Variants in SEMA6C observed in about 807,000 individuals in gnomAD.
The protein encoded by SEMA6C is semaphorin-6C.
In SEMA6C, 37 loss-of-function variants were observed where a neutral mutation model predicts 72.9. That is an observed-to-expected ratio of 0.51 (90% CI 0.39 to 0.67). SEMA6C has a LOEUF of 0.67. Ranked by LOEUF, SEMA6C falls within the 30% of genes least tolerant of loss-of-function variation. The pLI, the probability that SEMA6C is intolerant of heterozygous loss-of-function variation, is 0.00. For synonymous variants in SEMA6C, 578 were observed against 554.1 expected (o/e 1.04, Z -0.61); for missense variants, 1,189 against 1,263.6 (o/e 0.94, Z 0.89).
At chr1:151,141,097 A>G (rs587649305) in intron 3 of SEMA6C, among the ~76,000 whole-genome samples, 4 of 152,268 alleles carry the variant, frequency 2.6e-5, no homozygotes, top group East Asian at 1.9e-4. Context: ...CAGTAACCCA[A>G]CTGCAGCTCC....
At chr1:151,143,702 A>G (rs1393545428) in intron 2 of SEMA6C, among the ~76,000 whole-genome samples, 1 of 152,190 alleles carries the variant, frequency 6.6e-6, no homozygotes, top group Non-Finnish European at 1.5e-5. Context: ...AGCCTCCCTC[A>G]GCCAAATGAC....
chr1:151,133,328 G>T lies in SEMA6C; in HGVS notation c.1949C>A (p.Ser650Tyr), dbSNP rs746711973. The T allele has an allele frequency of 1.3e-6, 2 of 1,594,836 alleles. No homozygotes were observed. The highest frequency in any genetic ancestry group is 4.5e-5 in the East Asian group (2 of 44,188). Reference protein sequence around the residue: ...IETPGLPRPLSLRSLARLHGG... With the variant: ...IETPGLPRPLYLRSLARLHGG... ...GTGGAGCCGGGCCAAACTGCGGAGG[G>T]AGAGAGGGCGCGGGAGCCCCGGAGT... The change falls in exon 19 of 19, where the codon TCC becomes TAC. Residue 650 changes from serine to tyrosine, a missense_variant. By Grantham distance (144) the Ser-to-Tyr change is moderately radical. This residue lies in a region of SEMA6C where 721 missense variants were observed against 686.2 expected (regional missense o/e 1.05). Transcript: ENST00000368914. This position sits in a 1 kb window ranked among gnomAD's most constrained non-coding sequence, Gnocchi z 5.9.
At chr1:151,140,527 C>G (rs1682441196) in intron 3 of SEMA6C, among the ~76,000 whole-genome samples, 1 of 152,178 alleles carries the variant, frequency 6.6e-6, no homozygotes, top group African/African-American at 2.4e-5. Context: ...CTCCGTTTCT[C>G]CCAGCCCTCT....
In SEMA6C at chr1:151,134,380, G is replaced by A. The variant is rs751614648; in HGVS notation, c.1759+21C>T. On this transcript the variant is annotated intron_variant, in intron 18 of 18. Transcript: ENST00000368914. ...ATGTGGGCTGAGCAAGGGAAGGTGA[G>A]GTTGGGACAAGAGGACTCACCATAA... 3.2e-6 allele frequency: 5 copies of A among 1,572,762 alleles called. No homozygotes were observed. In the African/African-American group the frequency reaches 4.1e-5, roughly 13 times the overall value.
rs1446860597 is a variant in SEMA6C at position 151,134,846 on chromosome 1, C to T, written c.1610G>A (p.Cys537Tyr). The change falls in exon 16 of 19, where the codon TGT becomes TAT. Residue 537 changes from cysteine (C) to tyrosine (Y), a missense_variant. Coordinates refer to ENST00000368914, the MANE Select transcript of SEMA6C (RefSeq NM_030913.6). ...RSCLASQDPY[C>Y]GWHSSRGCVD... is the part of the protein sequence containing the mutation. Reference sequence around the variant, plus strand: ...ACAGCCCCTGGAGCTATGCCATCCACAGTATGGGTCCTGAGAAGCCAAACA... The same window carrying T: ...ACAGCCCCTGGAGCTATGCCATCCATAGTATGGGTCCTGAGAAGCCAAACA... The T allele has an allele frequency of 1.9e-6, 3 of 1,614,184 alleles. No homozygotes were observed. Among genetic ancestry groups the T allele is most frequent in the Non-Finnish European group, 2.5e-6 (3 of 1,180,014 alleles).
At chr1:151,141,483 C>T (rs1180166971) in intron 3 of SEMA6C, among the ~76,000 whole-genome samples, 3 of 152,118 alleles carry the variant, frequency 2.0e-5, no homozygotes, top group Non-Finnish European at 4.4e-5. Context: ...GATCTCGGCT[C>T]ACTGCAACCT....
At chr1:151,142,036 C>CCATGT (rs1682595333) in intron 3 of SEMA6C, among the ~76,000 whole-genome samples, 1 of 134,966 alleles carries the variant, frequency 7.4e-6, no homozygotes, top group Admixed American at 8.3e-5. Flanking sequence ...AGCTGAGAGT[C>CCATGT]CATGTTCTTT....
chr1:151,134,175 C>T, intron 18 of SEMA6C: 1 of 806,310 alleles, frequency 1.2e-6, no homozygotes, highest in Non-Finnish European at 2.0e-6. Context: ...CCTCTAGTTT[C>T]TTCTGGGCCT....
In SEMA6C at chr1:151,132,747, G is replaced by A; in HGVS notation, c.2530C>T (p.Leu844=). The change falls in exon 19 of 19, where the codon CTG becomes TTG. Residue 844 remains leucine, a synonymous_variant. Coordinates refer to ENST00000368914, the MANE Select transcript of SEMA6C (RefSeq NM_030913.6). ...RPALSAPAPR[L]GVGGGRRLPF... Reference sequence around the variant, plus strand: ...AACCTCCGGCCTCCGCCGACGCCCAGCCGGGGAGCGGGGGCGGAGAGCGCG... The same window carrying A: ...AACCTCCGGCCTCCGCCGACGCCCAACCGGGGAGCGGGGGCGGAGAGCGCG... 6.9e-7 allele frequency: 1 copy of A among 1,448,012 alleles called. No homozygotes were observed. Among genetic ancestry groups the A allele is most frequent in the Non-Finnish European group, 9.1e-7 (1 of 1,100,414 alleles). The allele number at this position is 1,448,012 out of a possible 1,614,324, so 89.7% of individuals were successfully genotyped here. A position where few individuals can be genotyped will look rare whatever the true frequency, so the allele number is the denominator to read the frequency against.
At chr1:151,138,552 G>T in intron 7 of SEMA6C, 78 bp downstream of exon 7, 1 of 1,493,048 alleles carries the variant, frequency 6.7e-7, no homozygotes, top group Non-Finnish European at 9.3e-7. Context: ...CGCAGTCCTT[G>T]GTCCTTTCCC....
In SEMA6C at chr1:151,136,460, A is replaced by G; in HGVS notation, c.1094T>C (p.Val365Ala). The stretch of plus-strand genomic sequence containing the variant: ...CCATCCTGGGTACCTGGGTGAGGGA[A>G]CTCTGTCCTCAGACACAGGAGTCCA... The part of the protein sequence containing the change: ...GAWTPVSEDR[V>A]PSPRPGSCAG... Residue 365 changes from valine to alanine, a missense_variant, in exon 12 of 19, where the codon GTT (valine) becomes GCT (alanine). By Grantham distance (64) the Val-to-Ala change is moderately conservative. Coordinates refer to ENST00000368914, the MANE Select transcript of SEMA6C (RefSeq NM_030913.6). 1 of 1,613,550 alleles carries G rather than the reference A, an allele frequency of 6.2e-7. No homozygotes were observed. The highest frequency in any genetic ancestry group is 8.5e-7 in the Non-Finnish European group (1 of 1,179,852).
intron 13 of SEMA6C, 42 bp downstream of exon 13, chr1:151,135,969 T>C: frequency 6.2e-7 from 1 of 1,612,382 alleles, no homozygotes; most frequent in African/African-American, 1.3e-5. Context: ...GGAGGGTGGC[T>C]GAGAACAGGG....
Position 151,132,601 on chromosome 1 carries a change from G to C in SEMA6C, c.2676C>G (p.Tyr892Ter), listed in dbSNP as rs377095094. 4.2e-4 allele frequency: 654 copies of C among 1,551,238 alleles called. No individual in the cohort carries two copies. Among genetic ancestry groups the C allele is most frequent in the Non-Finnish European group, 5.5e-4 (630 of 1,147,272 alleles). ...CCACCCTTTTCAGGGCGCGGCCCCG[G>C]TAGCCCTCGGGCCGGCCCAGGTACA... ...HLLYLGRPEG[Y>*]RGRALKRVDV... Residue 892 changes from tyrosine (Y) to a stop codon, truncating the protein, a stop_gained, in exon 19 of 19, where the codon TAC becomes TAG. Coordinates refer to ENST00000368914, the MANE Select transcript of SEMA6C (RefSeq NM_030913.6). LOFTEE classifies it low-confidence loss of function (END_TRUNC).
rs763956477 is a variant in SEMA6C at position 151,132,661 on chromosome 1, G to A, written c.2616C>T (p.Pro872=). Residue 872 remains proline (P), a synonymous_variant, in exon 19 of 19, where the codon CCC becomes CCT. Coordinates refer to ENST00000368914, the MANE Select transcript of SEMA6C (RefSeq NM_030913.6). ...ALLTRVPSGG[P]SRYSGGPGKH... ...TCCCGGGACCCCCGGAGTACCTGGAGGGACCTCCCGAGGGGACTCGAGTGA... is the reference window on the plus strand; with the variant it reads ...TCCCGGGACCCCCGGAGTACCTGGAAGGACCTCCCGAGGGGACTCGAGTGA... 1.1e-4 allele frequency: 166 copies of A among 1,549,656 alleles called. No homozygotes were observed. Among genetic ancestry groups the A allele is most frequent in the Non-Finnish European group, 1.3e-4 (154 of 1,146,560 alleles).
At position 151,133,179 on chromosome 1, in the gene SEMA6C, T is replaced by TGGGC; in HGVS notation, c.2094_2097dup (p.Thr700AlafsTer329). ...GGCAGCTCCGGCGTGGACTCGGGGGTGGGCAGGCAGGCCAGCTCCGGCGGG... is the reference window on the plus strand; with the variant it reads ...GGCAGCTCCGGCGTGGACTCGGGGGTGGGCGGGCAGGCAGGCCAGCTCCGGCGGG... On this transcript the variant is annotated frameshift_variant, in exon 19 of 19. Transcript: ENST00000368914. LOFTEE classifies it low-confidence loss of function (END_TRUNC). The surrounding 1 kb of genome is among the most constrained non-coding windows in gnomAD (Gnocchi z 5.9). 6.4e-7 allele frequency: 1 copy of TGGGC among 1,556,350 alleles called. No homozygotes were observed. Among genetic ancestry groups the TGGGC allele is most frequent in the Non-Finnish European group, 8.6e-7 (1 of 1,162,426 alleles).
intron 14 of SEMA6C, 40 bp from the exon 15 acceptor site, chr1:151,135,349 G>A: frequency 6.3e-7 from 1 of 1,590,622 alleles, no homozygotes; most frequent in South Asian, 1.1e-5. Flanking sequence ...GGACAGATGA[G>A]GCTACCTTTT....
At chr1:151,136,199 G>A in intron 12 of SEMA6C, 36 bp from the exon 13 acceptor site, 1 of 1,610,912 alleles carries the variant, frequency 6.2e-7, no homozygotes, top group Non-Finnish European at 8.5e-7. Flanking sequence ...CCTTTGGACT[G>A]GGAGCTGGAG....
chr1:151,143,642 A>G (rs1682737767), intron 2 of SEMA6C, among the ~76,000 whole-genome samples: 1 of 152,206 alleles, frequency 6.6e-6, no homozygotes, highest in South Asian at 2.1e-4. Context: ...AAGTCCAGGA[A>G]AAGATGGATA....
Position 151,142,615 on chromosome 1 carries a change from G to T in SEMA6C, c.7C>A (p.Arg3Ser). Reference protein sequence around the residue: MPRAPHFMPLLLL... With the variant: MPSAPHFMPLLLL... Reference sequence around the variant, plus strand: ...AGCAAGGGCATGAAGTGGGGGGCACGGGGCATCCTGTGCGGGGCAGCTCAG... The same window carrying T: ...AGCAAGGGCATGAAGTGGGGGGCACTGGGCATCCTGTGCGGGGCAGCTCAG... The change falls in exon 3 of 19, where the codon CGT becomes AGT. Residue 3 changes from arginine to serine, a missense_variant. By Grantham distance (110) the Arg-to-Ser change is moderately radical (BLOSUM62 -1). This residue lies in a region of SEMA6C where 468 missense variants were observed against 577.4 expected (regional missense o/e 0.81). Coordinates refer to ENST00000368914, the MANE Select transcript of SEMA6C (RefSeq NM_030913.6). 6.3e-7 allele frequency: 1 copy of T among 1,579,966 alleles called. No individual in the cohort carries two copies. The highest frequency in any genetic ancestry group is 8.6e-7 in the Non-Finnish European group (1 of 1,163,678).
Sources: allele counts gnomAD v4.1 joint callset (sites outside exome capture counted in the v4.1 genomes callset), GRCh38; gene constraint gnomAD v4.1.1; regional missense constraint gnomAD v4.1.1; non-coding constraint Gnocchi (gnomAD v3.1); transcripts MANE v1.5; gene names NCBI Gene and HGNC (gene_info 2026-07-23, HGNC 2026-07-21).